Variants in ZNF875 observed in about 807,000 individuals in gnomAD.
ZNF875 encodes the protein zinc finger protein 875, also known as HKR1, GLI-Kruppel zinc finger family member.
In ZNF875, 14 loss-of-function variants were observed where a neutral mutation model predicts 11.2. That is an observed-to-expected ratio of 1.26 (90% confidence interval 0.83 to 1.96). The LOEUF (loss-of-function observed/expected upper bound fraction) is 1.96. Among genes scored for constraint, ZNF875 ranks in the 30% most tolerant of loss-of-function variants. The pLI is 0.00. For synonymous variants in ZNF875, 301 were observed against 281.1 expected (o/e 1.07, Z -0.71); for missense variants, 752 against 760.4 (o/e 0.99, Z 0.13).
intron 1 of ZNF875, among the ~76,000 whole-genome samples, chr19:37,321,801 G>A (rs2031521847): frequency 6.6e-6 from 1 of 152,118 alleles, no homozygotes; most frequent in African/African-American, 2.4e-5. Flanking sequence ...AGAGGACATC[G>A]ATTCTGCCTC....
At chr19:37,357,656 A>G (rs1297627791) in intron 4 of ZNF875, among the ~76,000 whole-genome samples, 2 of 152,006 alleles carry the variant, frequency 1.3e-5, no homozygotes, top group African/African-American at 4.8e-5. Context: ...TTACTGGTGT[A>G]TAGAAATGCT....
At position 37,362,176 on chromosome 19, in the gene ZNF875, C is replaced by A. The variant is rs2040049338; in HGVS notation, c.324C>A (p.Ser108Arg). Reference sequence around the variant, plus strand: ...TTTTCTCCAGTCAGCAAGCTCTCAGCCAACATGTGTGGCTGAGTCATCTCT... The same window carrying A: ...TTTTCTCCAGTCAGCAAGCTCTCAGACAACATGTGTGGCTGAGTCATCTCT... ...PLIFSSQQALSQHVWLSHLSQ... is the reference protein window; with the variant it reads ...PLIFSSQQALRQHVWLSHLSQ... Residue 108 changes from serine (S) to arginine (R), a missense_variant, in exon 5 of 5, where the codon AGC becomes AGA. By Grantham distance (110) the Ser-to-Arg change is moderately radical. Coordinates refer to ENST00000392153, the MANE Select transcript of ZNF875 (RefSeq NM_001353803.2). The A allele has an allele frequency of 6.2e-7, 1 of 1,614,132 alleles. No homozygotes were observed. The highest frequency in any genetic ancestry group is 2.2e-5 in the East Asian group (1 of 44,868).
chr19:37,354,400 A>G (rs2038539256), intron 4 of ZNF875, among the ~76,000 whole-genome samples: 1 of 150,228 alleles, frequency 6.7e-6, no homozygotes, highest in African/African-American at 2.5e-5. Context: ...CTGGCTGGTT[A>G]TGTATATTTT....
At chr19:37,328,549 T>TGGTC (rs1047705160) in intron 4 of ZNF875, 3 of 152,220 alleles carry the variant, frequency 2.0e-5, no homozygotes, top group Non-Finnish European at 4.4e-5. Flanking sequence ...CTCTCACATG[T>TGGTC]GGTCACTCTC....
At chr19:37,349,038 C>A (rs2146316743) in intron 4 of ZNF875, among the ~76,000 whole-genome samples, 1 of 152,306 alleles carries the variant, frequency 6.6e-6, no homozygotes, top group East Asian at 1.9e-4. Context: ...CTGTCCCATG[C>A]CTCTCCTCTA....
intron 4 of ZNF875, among the ~76,000 whole-genome samples, chr19:37,327,234 C>T (rs2032620658): frequency 1.3e-5 from 2 of 151,836 alleles, no homozygotes; most frequent in African/African-American, 2.4e-5. Context: ...CTCAGGTGAT[C>T]CGCCCACCTC....
At chr19:37,340,644 CTTTTTTTTT>C (rs386388968) in intron 2 of ZNF875, among the ~76,000 whole-genome samples, 1 of 104,716 alleles carries the variant, frequency 9.5e-6, no homozygotes, top group African/African-American at 3.9e-5. Flanking sequence ...CTTATGTGTA[CTTTTTTTTT>C]TTTTTTTTTT....
Position 37,347,591 on chromosome 19 carries a change from T to G in ZNF875, c.161-186T>G, listed in dbSNP as rs560633651. ...CCCAGGAAATTTTTCATACACCAAGTGTTCATAATATGCCATCTTTCTGAC... is the reference window on the plus strand; with the variant it reads ...CCCAGGAAATTTTTCATACACCAAGGGTTCATAATATGCCATCTTTCTGAC... On this transcript the variant is annotated intron_variant, in intron 3 of 4. Coordinates refer to ENST00000392153, the MANE Select transcript of ZNF875 (RefSeq NM_001353803.2). The G allele has an allele frequency of 2.0e-4, 125 of 610,194 alleles. 1 individual carries two copies. Among genetic ancestry groups the G allele is most frequent in the African/African-American group, 1.8e-3 (95 of 54,094 alleles). The allele number at this position is 610,194 out of a possible 1,614,324, so 37.8% of individuals were successfully genotyped here. A position where few individuals can be genotyped will look rare whatever the true frequency, so the allele number is the denominator to read the frequency against.
intron 3 of ZNF875, 23 bp from the exon 4 acceptor site, chr19:37,347,754 C>T: frequency 6.6e-7 from 1 of 1,512,694 alleles, no homozygotes; most frequent in Non-Finnish European, 9.2e-7. Flanking sequence ...CAACAATGTC[C>T]TCATTTTCTT....
Position 37,340,644 on chromosome 19 carries a change from C to CTTTTTTTT in ZNF875, c.33+5402_33+5409dup, listed in dbSNP as rs386388968. ...CCACAGGGGAGTCATCTTATGTGTACTTTTTTTTTTTTTTTTTTTTTTGAG... is the reference window on the plus strand; with the variant it reads ...CCACAGGGGAGTCATCTTATGTGTACTTTTTTTTTTTTTTTTTTTTTTTTTTTTTTGAG... On this transcript the variant is annotated intron_variant, in intron 2 of 4. Coordinates refer to ENST00000392153, the MANE Select transcript of ZNF875 (RefSeq NM_001353803.2). 1.5e-4 allele frequency among the ~76,000 whole-genome samples: 16 copies of CTTTTTTTT among 104,716 alleles called. 1 individual carries two copies. The highest frequency in any genetic ancestry group is 2.0e-4 in the Non-Finnish European group (11 of 54,214). 68.7% of individuals were successfully genotyped at this position (104,716 alleles called of 152,430 possible).
At chr19:37,354,388 T>C in intron 4 of ZNF875, among the ~76,000 whole-genome samples, 1 of 151,218 alleles carries the variant, frequency 6.6e-6, no homozygotes, top group African/African-American at 2.4e-5. Flanking sequence ...CTTCCCCATC[T>C]TCTGGCTGGT....
At chr19:37,334,238 GTC>G (rs745561012), upstream of ZNF875, among the ~76,000 whole-genome samples, 2 of 152,100 alleles carry the variant, frequency 1.3e-5, no homozygotes, top group African/African-American at 2.4e-5. Flanking sequence ...GCAGAGCATC[GTC>G]TCTCCCTGAG....
At chr19:37,322,050 G>C (rs934774238) in intron 1 of ZNF875, 1 of 152,176 alleles carries the variant, frequency 6.6e-6, no homozygotes, top group Non-Finnish European at 1.5e-5. Context: ...CCCCACCCAC[G>C]TCCCCCAGTG....
chr19:37,323,165 T>C (rs1431129834), intron 2 of ZNF875, among the ~76,000 whole-genome samples: 1 of 151,600 alleles, frequency 6.6e-6, no homozygotes, highest in Admixed American at 6.6e-5. Flanking sequence ...ATTTCCTTTT[T>C]TTTTTTGAAA....
At chr19:37,351,610 G>A (rs2037913856) in intron 4 of ZNF875, among the ~76,000 whole-genome samples, 1 of 152,008 alleles carries the variant, frequency 6.6e-6, no homozygotes, top group African/African-American at 2.4e-5. Flanking sequence ...AACTTTTGGT[G>A]TGTTGTGTTT....
At chr19:37,345,740 A>C (rs1377722466) in intron 2 of ZNF875, among the ~76,000 whole-genome samples, 2 of 152,182 alleles carry the variant, frequency 1.3e-5, no homozygotes, top group Non-Finnish European at 2.9e-5. Context: ...TATAAACACA[A>C]GTTTTAAAGC....
At chr19:37,343,655 C>T (rs762091260) in intron 2 of ZNF875, among the ~76,000 whole-genome samples, 2 of 152,050 alleles carry the variant, frequency 1.3e-5, no homozygotes, top group Non-Finnish European at 2.9e-5. Context: ...TCTTGCACAG[C>T]GAGAAGGCCA....
At chr19:37,316,726 G>T (rs1265129616), upstream of ZNF875, among the ~76,000 whole-genome samples, 26 of 151,674 alleles carry the variant, frequency 1.7e-4, no homozygotes, top group African/African-American at 6.1e-4. Context: ...GCAGGGGCGC[G>T]ATCTCGGCTC....
intron 1 of ZNF875, among the ~76,000 whole-genome samples, chr19:37,319,953 C>T (rs899140776): frequency 2.8e-4 from 43 of 152,290 alleles, no homozygotes; most frequent in African/African-American, 1.0e-3. Context: ...GTGGTGTGAT[C>T]TCAGCTCACT....
Sources: allele counts gnomAD v4.1 joint callset (sites outside exome capture counted in the v4.1 genomes callset), GRCh38; gene constraint gnomAD v4.1.1; transcripts MANE v1.5; gene names NCBI Gene and HGNC (gene_info 2026-07-23, HGNC 2026-07-21).